The following ARHGAP17 variants were observed in gnomAD, a reference collection of about 807,000 sequenced individuals.
ARHGAP17 encodes the protein rho GTPase-activating protein 17.
ARHGAP17 carries 57 observed loss-of-function variants against 99.5 expected under a neutral mutation model. The observed-to-expected ratio is 0.57, with a 90% CI of 0.46 to 0.71. The LOEUF is 0.71. Ranked by LOEUF, ARHGAP17 falls within the 30% of genes least tolerant of loss-of-function variation. ARHGAP17 has a pLI of 0.00. For synonymous variants in ARHGAP17, 417 were observed against 429.6 expected (o/e 0.97, Z 0.36); for missense variants, 1,000 against 1,122.4 (o/e 0.89, Z 1.56).
In ARHGAP17 at chr16:24,978,971, A is replaced by G. The variant is rs1447050702; in HGVS notation, c.88T>C (p.Leu30=). 1.3e-6 allele frequency: 2 copies of G among 1,590,904 alleles called. No homozygotes were observed. Among genetic ancestry groups the G allele is most frequent in the African/African-American group, 2.7e-5 (2 of 73,374 alleles). ...EKTEVLSEDL[L]QIERRLDTVR... ...AGGAGACTATATTTTGTTACCTGTAATAGATCTTCACTAAGGACTTCTGTT... is the reference window on the plus strand; with the variant it reads ...AGGAGACTATATTTTGTTACCTGTAGTAGATCTTCACTAAGGACTTCTGTT... The change falls in exon 2 of 20, where the codon TTA becomes CTA. Residue 30 remains leucine (L), a synonymous_variant. Transcript: ENST00000289968.
intron 4 of ARHGAP17, among the ~76,000 whole-genome samples, chr16:24,969,970 G>A (rs1389136270): frequency 6.6e-6 from 1 of 151,700 alleles, no homozygotes; most frequent in African/African-American, 2.4e-5. Flanking sequence ...TGCAGGAGCA[G>A]ACAGAAGGGT....
At chr16:24,959,797 G>A (rs965676710) in intron 8 of ARHGAP17, 45 bp from the exon 9 acceptor site, 17 of 1,607,444 alleles carry the variant, frequency 1.1e-5, no homozygotes, top group African/African-American at 1.3e-5. Context: ...CGTTAGCATC[G>A]GATGGACACA....
chr16:24,931,917 G>A (rs997863636), intron 18 of ARHGAP17, among the ~76,000 whole-genome samples: 1 of 152,066 alleles, frequency 6.6e-6, no homozygotes, highest in African/African-American at 2.4e-5. Context: ...GGAGTTCAAG[G>A]CCAGCCTGAG....
intron 1 of ARHGAP17, among the ~76,000 whole-genome samples, chr16:25,001,191 T>C (rs1455094719): frequency 1.3e-5 from 2 of 152,110 alleles, no homozygotes; most frequent in African/African-American, 4.8e-5. Flanking sequence ...ACACTGATAA[T>C]ATTATGTACC....
At chr16:24,946,306 C>G (rs62032847) in intron 14 of ARHGAP17, among the ~76,000 whole-genome samples, 47,565 of 151,504 alleles carry the variant, frequency 0.31, 8,426 homozygotes, top group Non-Finnish European at 0.42. Flanking sequence ...CTCATGTTCT[C>G]TGTCTTCAAG....
At chr16:24,978,265 T>A (rs937837624) in intron 2 of ARHGAP17, among the ~76,000 whole-genome samples, 26 of 152,240 alleles carry the variant, frequency 1.7e-4, no homozygotes, top group African/African-American at 6.3e-4. Context: ...GAAGCCTGGA[T>A]CTGTTTTGTT....
intron 1 of ARHGAP17, among the ~76,000 whole-genome samples, chr16:25,013,448 C>T (rs1004697876): frequency 1.3e-5 from 2 of 152,134 alleles, no homozygotes; most frequent in Non-Finnish European, 2.9e-5. Context: ...CATGGCAAAT[C>T]CCCACTCTAC....
Position 24,935,545 on chromosome 16 carries a change from C to G in ARHGAP17, c.1819G>C (p.Ala607Pro), listed in dbSNP as rs375566256. 3.1e-6 allele frequency: 5 copies of G among 1,613,836 alleles called. No homozygotes were observed. The African/African-American group carries it at 6.7e-5, about 22-fold the overall frequency. ...ATGGAGAGCTGGTGGGAGCCAGCAG[C>G]TGCCTGGGGCTGATTTTGGCCAGAT... ...IASGQNQPQA[A>P]AGSHQLSMGQ... The change falls in exon 18 of 20, where the codon GCT (alanine) becomes CCT (proline). Residue 607 changes from alanine (A) to proline (P), a missense_variant. Physicochemically the swap from Ala to Pro is conservative, Grantham distance 27. Coordinates refer to ENST00000289968, the MANE Select transcript of ARHGAP17 (RefSeq NM_001006634.3).
chr16:24,967,778 CAA>C (rs940394750), intron 6 of ARHGAP17, among the ~76,000 whole-genome samples: 69 of 59,376 alleles, frequency 1.2e-3, no homozygotes, highest in African/African-American at 2.0e-3. Context: ...GACCTTGACT[CAA>C]AAAAAAAAAA....
intron 7 of ARHGAP17, among the ~76,000 whole-genome samples, chr16:24,961,518 A>ATTTTT (rs1171754361): frequency 3.9e-4 from 32 of 81,494 alleles, no homozygotes; most frequent in Non-Finnish European, 5.1e-4. Context: ...AAAAAAAAAA[A>ATTTTT]TTTTTTTTTT....
In ARHGAP17 at chr16:24,930,957, C is replaced by T. The variant is rs1333909885; in HGVS notation, c.2342G>A (p.Gly781Glu). ...PSLPAPQTLAGGNPETAQPHA... is the reference protein window; with the variant it reads ...PSLPAPQTLAEGNPETAQPHA... Reference sequence around the variant, plus strand: ...TGGCTGTGCAGTTTCAGGGTTACCCCCTGCCAGGGTCTGAGGAGCTGGCAG... The same window carrying T: ...TGGCTGTGCAGTTTCAGGGTTACCCTCTGCCAGGGTCTGAGGAGCTGGCAG... The change falls in exon 19 of 20, where the codon GGG becomes GAG. Residue 781 changes from glycine to glutamate, a missense_variant. By Grantham distance (98) the Gly-to-Glu change is moderately conservative. This residue lies in a region of ARHGAP17 where 528 missense variants were observed against 511.4 expected (regional missense o/e 1.03). Coordinates refer to ENST00000289968, the MANE Select transcript of ARHGAP17 (RefSeq NM_001006634.3). The T allele has an allele frequency of 1.2e-6, 2 of 1,613,894 alleles. No homozygotes were observed. The highest frequency in any genetic ancestry group is 3.3e-5 in the Admixed American group (2 of 59,980).
At chr16:25,011,204 GCCTGATTACCA>G (rs2053634858) in intron 1 of ARHGAP17, among the ~76,000 whole-genome samples, 1 of 152,036 alleles carries the variant, frequency 6.6e-6, no homozygotes, top group African/African-American at 2.4e-5. Flanking sequence ...TTTATTTCTT[GCCTGATTACCA>G]CCCATTACCA....
intron 18 of ARHGAP17, among the ~76,000 whole-genome samples, chr16:24,933,468 C>T (rs74777802): frequency 0.014 from 2,114 of 148,900 alleles, 50 homozygotes; most frequent in African/African-American, 0.05. Context: ...GGTGAGAAAA[C>T]GAGACCCTGC....
At chr16:24,983,025 G>A (rs2141383422) in intron 1 of ARHGAP17, among the ~76,000 whole-genome samples, 1 of 71,846 alleles carries the variant, frequency 1.4e-5, no homozygotes, top group East Asian at 4.8e-4. Context: ...TTTTTTTTGA[G>A]ACAGGGTCTC....
intron 9 of ARHGAP17, among the ~76,000 whole-genome samples, chr16:24,957,977 A>C (rs552077569): frequency 2.0e-5 from 3 of 152,314 alleles, no homozygotes; most frequent in Non-Finnish European, 4.4e-5. Flanking sequence ...CAAGGAAAGA[A>C]AAGACAGAAC....
chr16:25,011,846 A>G (rs1277790419), intron 1 of ARHGAP17, among the ~76,000 whole-genome samples: 1 of 152,140 alleles, frequency 6.6e-6, no homozygotes, highest in Non-Finnish European at 1.5e-5. Flanking sequence ...AGACCTAATC[A>G]ATACAAGAGA....
intron 14 of ARHGAP17, among the ~76,000 whole-genome samples, chr16:24,944,493 C>G (rs1031325548): frequency 6.6e-6 from 1 of 152,146 alleles, no homozygotes; most frequent in Non-Finnish European, 1.5e-5. Context: ...TGCACTTTCC[C>G]ACTGGAATAG....
chr16:25,008,380 T>C (rs753569738), intron 1 of ARHGAP17, among the ~76,000 whole-genome samples: 3 of 152,220 alleles, frequency 2.0e-5, no homozygotes, highest in Non-Finnish European at 4.4e-5. Context: ...TATATGCATA[T>C]TATTACTTTT....
chr16:24,942,402 A>T lies in ARHGAP17; in HGVS notation c.1334-259T>A, dbSNP rs114945158. 7.3e-3 allele frequency among the ~76,000 whole-genome samples: 1,107 copies of T among 152,328 alleles called. 18 individuals carry two copies. The highest frequency in any genetic ancestry group is 0.025 in the African/African-American group (1,037 of 41,566). On this transcript the variant is annotated intron_variant, in intron 15 of 19. Coordinates refer to ENST00000289968, the MANE Select transcript of ARHGAP17 (RefSeq NM_001006634.3). ...TTTGTGCTTTCTCTTTTGTGGAAAA[A>T]AAATAAATAAAAACAAATCTAGAAT...
Sources: gnomAD v4.1 joint callset for allele counts (sites outside exome capture counted in the v4.1 genomes callset) on GRCh38, gnomAD v4.1.1 for gene constraint, gnomAD v4.1.1 regional missense constraint, MANE v1.5 for transcripts, NCBI Gene and HGNC (gene_info 2026-07-23, HGNC 2026-07-21) for gene names.